Variants in AGBL4 observed in about 807,000 individuals in gnomAD.
AGBL4 encodes the protein cytosolic carboxypeptidase 6.
AGBL4 carries 58 observed loss-of-function variants against 66.4 expected under a neutral mutation model. The ratio of observed to expected loss-of-function variants is 0.87; its 90% CI spans 0.71 to 1.09. AGBL4 has a LOEUF of 1.09. Ranked by LOEUF, AGBL4 falls within the 50% of genes least tolerant of loss-of-function variation. AGBL4 has a pLI of 0.00. For missense variants in AGBL4, 579 were observed against 631.0 expected, an observed-to-expected ratio of 0.92 and a Z score of 0.88; for synonymous variants, 234 against 222.9, an observed-to-expected ratio of 1.05 and a Z score of -0.44.
intron 4 of AGBL4, among the ~76,000 whole-genome samples, chr1:49,116,354 T>C (rs968339610): frequency 2.6e-5 from 4 of 152,198 alleles, no homozygotes; most frequent in African/African-American, 9.6e-5. Flanking sequence ...TTTCTTCTAA[T>C]GCTATCCCTC....
intron 2 of AGBL4, among the ~76,000 whole-genome samples, chr1:49,828,834 G>C (rs1455597312): frequency 6.6e-6 from 1 of 152,108 alleles, no homozygotes; most frequent in Non-Finnish European, 1.5e-5. Flanking sequence ...ATTTTGGAAG[G>C]CCGAGGCGGG....
intron 6 of AGBL4, among the ~76,000 whole-genome samples, chr1:48,714,206 G>A (rs1431638137): frequency 6.6e-6 from 1 of 152,100 alleles, no homozygotes. Flanking sequence ...CTCAATGGGG[G>A]CCCCAAAACA....
At chr1:49,018,313 G>A (rs560508554) in intron 5 of AGBL4, among the ~76,000 whole-genome samples, 22 of 152,214 alleles carry the variant, frequency 1.4e-4, no homozygotes, top group Non-Finnish European at 2.6e-4. Context: ...CAGTGGAGGT[G>A]AGCCCCAAAC....
intron 4 of AGBL4, among the ~76,000 whole-genome samples, chr1:49,164,393 A>G (rs1646594881): frequency 6.6e-6 from 1 of 152,164 alleles, no homozygotes; most frequent in Admixed American, 6.5e-5. Flanking sequence ...CTCGAGAGCA[A>G]GATTTCAGTG....
At chr1:49,546,702 T>G (rs1652520058) in intron 3 of AGBL4, among the ~76,000 whole-genome samples, 1 of 152,194 alleles carries the variant, frequency 6.6e-6, no homozygotes, top group Non-Finnish European at 1.5e-5. Flanking sequence ...TGGCCATTCT[T>G]GCAGGAGTAA....
intron 6 of AGBL4, among the ~76,000 whole-genome samples, chr1:48,775,136 T>G (rs1180588609): frequency 6.6e-6 from 1 of 152,188 alleles, no homozygotes; most frequent in African/African-American, 2.4e-5. Context: ...TTTTCTAAAA[T>G]CTGCTTCCCC....
intron 6 of AGBL4, among the ~76,000 whole-genome samples, chr1:48,832,210 G>C (rs995901844): frequency 2.0e-5 from 3 of 152,204 alleles, no homozygotes; most frequent in Admixed American, 6.5e-5. Flanking sequence ...AAAATGCTTG[G>C]GGTTTCCTCT....
chr1:49,930,019 T>C (rs1653174139), intron 1 of AGBL4, among the ~76,000 whole-genome samples: 1 of 151,940 alleles, frequency 6.6e-6, no homozygotes, highest in African/African-American at 2.4e-5. Flanking sequence ...AGTGAGATAA[T>C]AAAGACTACT....
chr1:49,122,822 G>C (rs750748528), intron 4 of AGBL4, among the ~76,000 whole-genome samples: 2 of 152,050 alleles, frequency 1.3e-5, no homozygotes, highest in African/African-American at 2.4e-5. Flanking sequence ...ACCCTGGAAT[G>C]GTTCAATATC....
At chr1:48,676,433 C>CT (rs1342145181) in intron 6 of AGBL4, among the ~76,000 whole-genome samples, 6 of 152,262 alleles carry the variant, frequency 3.9e-5, no homozygotes, top group Non-Finnish European at 8.8e-5. Flanking sequence ...AGTTACTTCA[C>CT]TTCTCTGTGC....
At chr1:49,574,342 G>C (rs145743961) in intron 3 of AGBL4, among the ~76,000 whole-genome samples, 1 of 152,110 alleles carries the variant, frequency 6.6e-6, no homozygotes, top group East Asian at 1.9e-4. Flanking sequence ...TTAAAAAGAG[G>C]TTCTAACAGT....
At chr1:48,708,919 G>C (rs1646920499) in intron 6 of AGBL4, among the ~76,000 whole-genome samples, 1 of 152,198 alleles carries the variant, frequency 6.6e-6, no homozygotes. Context: ...GCAAAGTCAG[G>C]CAGGACCAGG....
chr1:49,918,413 G>A (rs1028648821), intron 1 of AGBL4, among the ~76,000 whole-genome samples: 21 of 152,072 alleles, frequency 1.4e-4, no homozygotes, highest in Non-Finnish European at 1.6e-4. Context: ...TATCACCACC[G>A]ATCCCACAGA....
chr1:49,935,163 G>A (rs899879911), intron 1 of AGBL4, among the ~76,000 whole-genome samples: 1 of 152,212 alleles, frequency 6.6e-6, no homozygotes, highest in South Asian at 2.1e-4. Context: ...CTTAAAAAAC[G>A]GCGCTCCAGG....
intron 3 of AGBL4, among the ~76,000 whole-genome samples, chr1:49,438,565 C>T (rs926062751): frequency 7.9e-5 from 12 of 152,110 alleles, no homozygotes; most frequent in Non-Finnish European, 1.2e-4. Flanking sequence ...CAATGGACAT[C>T]GCCAAAATTC....
chr1:49,320,158 T>G (rs955753735), intron 3 of AGBL4, among the ~76,000 whole-genome samples: 4 of 152,028 alleles, frequency 2.6e-5, no homozygotes, highest in African/African-American at 9.7e-5. Flanking sequence ...CTTGAACTCC[T>G]GGGCACAAGC....
At chr1:49,022,477 C>A (rs1173540899) in intron 5 of AGBL4, among the ~76,000 whole-genome samples, 1 of 152,022 alleles carries the variant, frequency 6.6e-6, no homozygotes, top group Non-Finnish European at 1.5e-5. Context: ...ATTCATCAGT[C>A]ATACCTACCT....
intron 1 of AGBL4, among the ~76,000 whole-genome samples, chr1:49,874,547 GTAAAAT>G (rs1646926208): frequency 6.6e-6 from 1 of 152,042 alleles, no homozygotes; most frequent in Non-Finnish European, 1.5e-5. Context: ...CTTATTATAT[GTAAAAT>G]TAAAAGTATA....
chr1:49,550,919 C>T (rs1032090660), intron 3 of AGBL4, among the ~76,000 whole-genome samples: 1 of 152,068 alleles, frequency 6.6e-6, no homozygotes, highest in Non-Finnish European at 1.5e-5. Flanking sequence ...ATTCTCTTCT[C>T]CCTAGGAACA....
Sources: gnomAD v4.1 joint callset for allele counts (sites outside exome capture counted in the v4.1 genomes callset) on GRCh38, gnomAD v4.1.1 for gene constraint, MANE v1.5 for transcripts, NCBI Gene and HGNC (gene_info 2026-07-23, HGNC 2026-07-21) for gene names.